Variants in NLGN1 observed in about 807,000 individuals in gnomAD.
The protein encoded by NLGN1 is neuroligin 1, also known as neuroligin-1.
A neutral mutation model predicts 65.5 loss-of-function variants in NLGN1; 12 were observed. The observed-to-expected ratio is 0.18, with a 90% confidence interval of 0.12 to 0.30. The LOEUF (loss-of-function observed/expected upper bound fraction) is 0.30, where lower values mean the gene tolerates loss of function less well. Among genes scored for constraint, NLGN1 ranks in the 10% least tolerant of loss-of-function variants. The pLI is 1.00. For missense variants in NLGN1, 750 were observed against 1,007.1 expected, an observed-to-expected ratio of 0.74 and a Z score of 3.46; for synonymous variants, 350 against 359.5, an observed-to-expected ratio of 0.97 and a Z score of 0.30.
chr3:173,702,116 G>T (rs1029181558), intron 3 of NLGN1, among the ~76,000 whole-genome samples: 1 of 149,470 alleles, frequency 6.7e-6, no homozygotes, highest in East Asian at 2.0e-4. Context: ...GCGGGCGCCT[G>T]TAGTCCCAGC....
At chr3:173,762,708 G>A (rs1232123198) in intron 3 of NLGN1, among the ~76,000 whole-genome samples, 2 of 151,944 alleles carry the variant, frequency 1.3e-5, no homozygotes, top group Non-Finnish European at 1.5e-5. Context: ...CTCTTTAAGT[G>A]CTTAGCTCAC....
chr3:173,961,242 C>G (rs1386032713), intron 4 of NLGN1, among the ~76,000 whole-genome samples: 1 of 151,954 alleles, frequency 6.6e-6, no homozygotes, highest in Admixed American at 6.6e-5. Context: ...GCTTTTTTCT[C>G]CTCTTAGACC....
intron 4 of NLGN1, among the ~76,000 whole-genome samples, chr3:173,932,295 A>G (rs982863921): frequency 1.3e-5 from 2 of 152,082 alleles, no homozygotes; most frequent in East Asian, 1.9e-4. Flanking sequence ...TTTAGTTTTC[A>G]GTTTTTTCCT....
intron 4 of NLGN1, among the ~76,000 whole-genome samples, chr3:174,083,698 C>A (rs550572165): frequency 1.3e-5 from 2 of 152,224 alleles, no homozygotes; most frequent in South Asian, 4.1e-4. Context: ...CACATAGTCT[C>A]AAGCTCTCAC....
At chr3:173,560,161 G>C (rs988830038) in intron 2 of NLGN1, among the ~76,000 whole-genome samples, 3 of 152,016 alleles carry the variant, frequency 2.0e-5, no homozygotes, top group African/African-American at 7.2e-5. Flanking sequence ...TCGATCTCCT[G>C]ACCTCGTGAT....
chr3:173,758,506 A>G (rs1194310025), intron 3 of NLGN1, among the ~76,000 whole-genome samples: 4 of 152,050 alleles, frequency 2.6e-5, no homozygotes, highest in Admixed American at 6.6e-5. Flanking sequence ...CTGATCTTGT[A>G]GCTTTCCTGC....
intron 4 of NLGN1, among the ~76,000 whole-genome samples, chr3:174,215,079 T>C (rs1383431408): frequency 6.6e-6 from 1 of 152,022 alleles, no homozygotes; most frequent in Non-Finnish European, 1.5e-5. Flanking sequence ...CAAATGAAAG[T>C]CAAAATTTCT....
chr3:173,806,921 TGAA>T (rs530551340), intron 3 of NLGN1, among the ~76,000 whole-genome samples: 12 of 152,248 alleles, frequency 7.9e-5, no homozygotes, highest in African/African-American at 2.9e-4. Flanking sequence ...AGCCAAAGCG[TGAA>T]GAAGAAGAGT....
chr3:173,564,920 C>A (rs1559975218), intron 2 of NLGN1, among the ~76,000 whole-genome samples: 1 of 152,040 alleles, frequency 6.6e-6, no homozygotes, highest in Non-Finnish European at 1.5e-5. Flanking sequence ...GATTATTAAC[C>A]ACCTCTATTT....
chr3:174,083,320 A>C (rs1337732880), intron 4 of NLGN1, among the ~76,000 whole-genome samples: 1 of 152,094 alleles, frequency 6.6e-6, no homozygotes, highest in Non-Finnish European at 1.5e-5. Flanking sequence ...TATACAAATA[A>C]TCTTAATTTA....
chr3:174,004,999 CA>C (rs1724073170), intron 4 of NLGN1, among the ~76,000 whole-genome samples: 1 of 152,028 alleles, frequency 6.6e-6, no homozygotes, highest in Non-Finnish European at 1.5e-5. Flanking sequence ...TTTAAGATAA[CA>C]AGTCCGTCTG....
chr3:174,135,864 C>A (rs1721120708), intron 4 of NLGN1, among the ~76,000 whole-genome samples: 1 of 151,882 alleles, frequency 6.6e-6, no homozygotes. Context: ...AGATTCAGAC[C>A]CAGATCAAAT....
intron 3 of NLGN1, among the ~76,000 whole-genome samples, chr3:173,629,051 G>A (rs1355071969): frequency 6.6e-6 from 1 of 151,288 alleles, no homozygotes; most frequent in Non-Finnish European, 1.5e-5. Flanking sequence ...CAAATAAATA[G>A]TATTACTGTA....
intron 3 of NLGN1, among the ~76,000 whole-genome samples, chr3:173,754,038 G>C (rs183314143): frequency 2.4e-5 from 2 of 81,932 alleles, no homozygotes; most frequent in Non-Finnish European, 5.0e-5. Context: ...TTTTTTTTTT[G>C]TTTTTTTTTT....
At chr3:173,455,779 G>A (rs539567701) in intron 2 of NLGN1, among the ~76,000 whole-genome samples, 4 of 152,112 alleles carry the variant, frequency 2.6e-5, no homozygotes, top group African/African-American at 9.6e-5. Flanking sequence ...TATGTTTATA[G>A]AGATTTATTT....
intron 3 of NLGN1, among the ~76,000 whole-genome samples, chr3:173,703,031 T>C (rs1444388943): frequency 6.6e-6 from 1 of 152,114 alleles, no homozygotes; most frequent in Non-Finnish European, 1.5e-5. Context: ...TTCCTCTGTG[T>C]GGTTTATAAA....
chr3:173,589,669 T>C (rs538109630), intron 2 of NLGN1, among the ~76,000 whole-genome samples: 2 of 152,274 alleles, frequency 1.3e-5, no homozygotes, highest in African/African-American at 4.8e-5. Context: ...GGCAATGATA[T>C]GAAGGTCTTA....
At chr3:173,517,799 T>TATCTATC (rs1553874141) in intron 2 of NLGN1, among the ~76,000 whole-genome samples, 1 of 150,376 alleles carries the variant, frequency 6.6e-6, no homozygotes, top group African/African-American at 2.4e-5. Context: ...TCTATCTATC[T>TATCTATC]ATCATATCTA....
intron 3 of NLGN1, among the ~76,000 whole-genome samples, chr3:173,610,506 G>C (rs57096165): frequency 0.025 from 3,848 of 152,052 alleles, 171 homozygotes; most frequent in African/African-American, 0.087. Flanking sequence ...TCATGAGCTT[G>C]AGAGAGAATA....
Sources: gnomAD v4.1 joint callset for allele counts (sites outside exome capture counted in the v4.1 genomes callset) on GRCh38, gnomAD v4.1.1 for gene constraint, MANE v1.5 for transcripts, NCBI Gene and HGNC (gene_info 2026-07-23, HGNC 2026-07-21) for gene names.